Variants in PARK7 observed in about 807,000 individuals in gnomAD.
The protein encoded by PARK7 is Parkinsonism associated deglycase.
A neutral mutation model predicts 20.5 loss-of-function variants in PARK7; 14 were observed. That is an observed-to-expected ratio of 0.68 (90% CI 0.45 to 1.07). The LOEUF is 1.07. Ranked by LOEUF, PARK7 falls within the 50% of genes least tolerant of loss-of-function variation. PARK7 has a pLI of 0.00. For missense variants in PARK7, 234 were observed against 238.1 expected (o/e 0.98, Z 0.11); for synonymous variants, 98 against 84.3 (o/e 1.16, Z -0.89).
At chr1:7,969,496 T>C in intron 4 of PARK7, 92 bp downstream of exon 4, 1 of 925,182 alleles carries the variant, frequency 1.1e-6, no homozygotes, top group South Asian at 1.4e-5. Flanking sequence ...GTTAATTTTG[T>C]TATTATTCAA....
At chr1:7,972,637 C>T (rs774954019) in intron 5 of PARK7, among the ~76,000 whole-genome samples, 2 of 152,148 alleles carry the variant, frequency 1.3e-5, no homozygotes, top group African/African-American at 2.4e-5. Context: ...GGCACAGTGG[C>T]GCATGCCTGT....
Position 7,962,789 on chromosome 1 carries a change from G to A in PARK7, c.4G>A (p.Ala2Thr). 9 of 1,601,862 alleles carry A rather than the reference G, an allele frequency of 5.6e-6. No individual in the cohort carries two copies. The highest frequency in any genetic ancestry group is 7.7e-6 in the Non-Finnish European group (9 of 1,172,438). ...CTTGTAAACATATAACATAAAAATG[G>A]CTTCCAAAAGAGCTCTGGTCATCCT... Reference protein sequence around the residue: MASKRALVILAK... With the variant: MTSKRALVILAK... The change falls in exon 2 of 7, where the codon GCT becomes ACT. Residue 2 changes from alanine to threonine, a missense_variant. Physicochemically the swap from Ala to Thr is moderately conservative, Grantham distance 58. Coordinates refer to ENST00000338639, the MANE Select transcript of PARK7 (RefSeq NM_007262.5).
chr1:7,981,566 G>T (rs1640708799), intron 6 of PARK7, among the ~76,000 whole-genome samples: 1 of 152,162 alleles, frequency 6.6e-6, no homozygotes, highest in African/African-American at 2.4e-5. Flanking sequence ...ACGCAGGGTG[G>T]CTTTGTGCCA....
chr1:7,977,235 A>G (rs1441652030), intron 5 of PARK7, among the ~76,000 whole-genome samples: 1 of 152,148 alleles, frequency 6.6e-6, no homozygotes, highest in African/African-American at 2.4e-5. Flanking sequence ...AGAGGTGAGC[A>G]CATTTTGTTT....
At chr1:7,965,460 T>G (rs1274101015) in intron 3 of PARK7, 35 bp downstream of exon 3, 3 of 1,558,898 alleles carry the variant, frequency 1.9e-6, no homozygotes, top group Admixed American at 1.7e-5. Context: ...TTCCTTCATA[T>G]GGCTTCTTTG....
At chr1:7,971,039 A>T in intron 5 of PARK7, 76 bp downstream of exon 5, 1 of 1,474,358 alleles carries the variant, frequency 6.8e-7, no homozygotes. Flanking sequence ...TTTGATTCCA[A>T]ATAGCTCTTC....
At chr1:7,966,807 A>G (rs1464862330) in intron 3 of PARK7, among the ~76,000 whole-genome samples, 1 of 152,154 alleles carries the variant, frequency 6.6e-6, no homozygotes, top group Non-Finnish European at 1.5e-5. Context: ...TTTATTTTCA[A>G]TCGACAGATA....
chr1:7,981,986 T>TTTC (rs1640721340), intron 6 of PARK7, among the ~76,000 whole-genome samples: 1 of 134,412 alleles, frequency 7.4e-6, no homozygotes, highest in East Asian at 2.2e-4. Context: ...TTTTTTTTTT[T>TTTC]TTTTTTTGAG....
chr1:7,968,510 C>T (rs2151430510), intron 3 of PARK7, among the ~76,000 whole-genome samples: 1 of 151,568 alleles, frequency 6.6e-6, no homozygotes, highest in East Asian at 1.9e-4. Context: ...AAATTTGTTT[C>T]TCTATTAATT....
Position 7,985,405 on chromosome 1 carries a change from A to G in PARK7, c.*351A>G. 3 of 327,076 alleles carry G rather than the reference A, an allele frequency of 9.2e-6. No individual in the cohort carries two copies. The highest frequency in any genetic ancestry group is 1.8e-5 in the Non-Finnish European group (3 of 168,234). The allele number at this position is 327,076 out of a possible 1,614,324, so 20.3% of individuals were successfully genotyped here. A position where few individuals can be genotyped will look rare whatever the true frequency, so the allele number is the denominator to read the frequency against. On this transcript the variant is annotated 3_prime_UTR_variant, in exon 7 of 7. Transcript: ENST00000338639. ...AAAGAACAGTGACCACATTTTACAC[A>G]GCAAGGAGGAAAGGCATACAAACAG...
intron 4 of PARK7, among the ~76,000 whole-genome samples, chr1:7,969,686 T>A (rs1640416957): frequency 6.6e-6 from 1 of 152,096 alleles, no homozygotes; most frequent in African/African-American, 2.4e-5. Context: ...GTTCAAGCAG[T>A]TCTCCTGCCT....
chr1:7,974,357 C>A (rs1489125787), intron 5 of PARK7, among the ~76,000 whole-genome samples: 1 of 151,544 alleles, frequency 6.6e-6, no homozygotes, highest in Non-Finnish European at 1.5e-5. Flanking sequence ...AGGCCAAGGG[C>A]GGTGGCTCAC....
intron 5 of PARK7, among the ~76,000 whole-genome samples, chr1:7,976,351 A>G (rs1235773169): frequency 6.6e-6 from 1 of 152,224 alleles, no homozygotes; most frequent in Non-Finnish European, 1.5e-5. Context: ...AATACTTTGT[A>G]AAAAGCTTTA....
intron 6 of PARK7, among the ~76,000 whole-genome samples, chr1:7,981,593 A>G (rs1290256559): frequency 1.3e-5 from 2 of 152,118 alleles, no homozygotes; most frequent in African/African-American, 4.8e-5. Flanking sequence ...CTGCATTTGC[A>G]AAAACAGGCA....
Position 7,982,099 on chromosome 1 carries a change from T to G in PARK7, c.410-2795T>G, listed in dbSNP as rs922911829. ...AAGTGATTCTCCTGTCTCAGCCTCC[T>G]GAATAGCTGGGATTACAGGTACTGG... is the stretch of plus-strand genomic sequence containing the variant. On this transcript the variant is annotated intron_variant, in intron 6 of 6. Transcript: ENST00000338639. Among the ~76,000 whole-genome samples the G allele has an allele frequency of 2.7e-5, 4 of 148,984 alleles. No individual in the cohort carries two copies. The Admixed American group carries it at 2.7e-4, about 10-fold the overall frequency.
chr1:7,962,693 T>G lies in PARK7; in HGVS notation c.-23-70T>G, dbSNP rs17031860. 0.011 allele frequency: 11,284 copies of G among 1,015,436 alleles called. 887 individuals are homozygous for G. The African/African-American group carries it at 0.16, about 15-fold the overall frequency. 62.9% of individuals were successfully genotyped at this position (1,015,436 alleles called of 1,614,324 possible). A position where few individuals can be genotyped will look rare whatever the true frequency, so the allele number is the denominator to read the frequency against. ...ACTCTGCTTGAAAATGCTCCTAAAC[T>G]TTAAATTTTGGGGTATCTCAGGGTT... is the stretch of plus-strand genomic sequence containing the variant. On this transcript the variant is annotated intron_variant, in intron 1 of 6. Coordinates refer to ENST00000338639, the MANE Select transcript of PARK7 (RefSeq NM_007262.5).
intron 2 of PARK7, among the ~76,000 whole-genome samples, chr1:7,963,281 C>G (rs1288306634): frequency 1.3e-5 from 2 of 152,124 alleles, no homozygotes; most frequent in African/African-American, 4.8e-5. Context: ...CCAGGCTGCT[C>G]TCCAACTCCT....
At chr1:7,963,371 C>T (rs1380411824) in intron 2 of PARK7, among the ~76,000 whole-genome samples, 3 of 151,252 alleles carry the variant, frequency 2.0e-5, no homozygotes, top group Non-Finnish European at 4.4e-5. Context: ...TCCTTAGACC[C>T]ATTTCTTTTT....
At chr1:7,976,363 G>A (rs1424110927) in intron 5 of PARK7, among the ~76,000 whole-genome samples, 2 of 152,192 alleles carry the variant, frequency 1.3e-5, no homozygotes, top group African/African-American at 4.8e-5. Flanking sequence ...AAAGCTTTAA[G>A]ATGAAATAAC....
Sources: gnomAD v4.1 joint callset for allele counts (sites outside exome capture counted in the v4.1 genomes callset) on GRCh38, gnomAD v4.1.1 for gene constraint, MANE v1.5 for transcripts, NCBI Gene and HGNC (gene_info 2026-07-23, HGNC 2026-07-21) for gene names.